SLC13A4: variants seen among roughly 807,000 people sequenced by gnomAD.
SLC13A4 encodes the protein solute carrier family 13 member 4.
In SLC13A4, 28 loss-of-function variants were observed where a neutral mutation model predicts 72.7. That is an observed-to-expected ratio of 0.39 (90% CI 0.29 to 0.53). The LOEUF is 0.53. Ranked by LOEUF, SLC13A4 falls within the 20% of genes least tolerant of loss-of-function variation. The pLI, the probability that SLC13A4 is intolerant of heterozygous loss-of-function variation, is 0.78. For missense variants in SLC13A4, 653 were observed against 788.0 expected (o/e 0.83, Z 2.05); for synonymous variants, 312 against 325.5 (o/e 0.96, Z 0.45).
intron 2 of SLC13A4, among the ~76,000 whole-genome samples, chr7:135,713,322 G>A (rs1212827587): frequency 6.6e-6 from 1 of 152,162 alleles, no homozygotes; most frequent in Non-Finnish European, 1.5e-5. Flanking sequence ...TTGGAGAGCA[G>A]AGGTGTTTCT....
Position 135,724,965 on chromosome 7 carries a change from C to T in SLC13A4, c.99+2433G>A, listed in dbSNP as rs73721699. ...CATGTCTAGCAGGTGGTTCAATTCA[C>T]GTGGGCTGAACTGCACTGGACTTCT... On this transcript the variant is annotated intron_variant, in intron 1 of 15. Transcript: ENST00000682651. 4.1e-3 allele frequency among the ~76,000 whole-genome samples: 624 copies of T among 152,302 alleles called. 2 individuals are homozygous for T. The highest frequency in any genetic ancestry group is 0.014 in the African/African-American group (591 of 41,550).
At chr7:135,701,645 G>A (rs982761002) in intron 7 of SLC13A4, 35 bp downstream of exon 7, 31 of 1,599,158 alleles carry the variant, frequency 1.9e-5, no homozygotes, top group Admixed American at 3.3e-5. Context: ...AGCGTTTCAT[G>A]TAGGAAACAG....
intron 13 of SLC13A4, among the ~76,000 whole-genome samples, chr7:135,686,475 A>G (rs574266558): frequency 1.1e-4 from 17 of 152,236 alleles, no homozygotes; most frequent in Admixed American, 3.9e-4. Context: ...TCCTGGGTTC[A>G]AGCAATCCTC....
At chr7:135,688,798 A>T (rs1015200492) in intron 13 of SLC13A4, 8 of 152,204 alleles carry the variant, frequency 5.3e-5, no homozygotes, top group Non-Finnish European at 1.0e-4. Flanking sequence ...AAATTAGTAG[A>T]GGCAGTAGGC....
intron 5 of SLC13A4, chr7:135,704,255 G>A (rs1383902910): frequency 6.6e-6 from 1 of 152,448 alleles, no homozygotes; most frequent in South Asian, 2.1e-4. Context: ...GGTGGCGTGA[G>A]TGTTAATCCC....
At position 135,719,781 on chromosome 7, in the gene SLC13A4, A is replaced by ATGTGTGTGTG. The variant is rs968225969; in HGVS notation, c.228+1604_228+1613dup. Among the ~76,000 whole-genome samples, 102 of 146,114 alleles carry ATGTGTGTGTG rather than the reference A, an allele frequency of 7.0e-4. 2 individuals carry two copies. The highest frequency in any genetic ancestry group is 2.5e-3 in the African/African-American group (98 of 39,112). On this transcript the variant is annotated intron_variant, in intron 2 of 15. Transcript: ENST00000682651. Reference sequence around the variant, plus strand: ...TGAGGCTATGGCTACTCAATGCCACATGTGTGTGTGTGTGTGTGTGTATGT... The same window carrying ATGTGTGTGTG: ...TGAGGCTATGGCTACTCAATGCCACATGTGTGTGTGTGTGTGTGTGTGTGTGTGTGTATGT...
chr7:135,695,858 T>C (rs1172533702), intron 8 of SLC13A4, among the ~76,000 whole-genome samples: 1 of 152,194 alleles, frequency 6.6e-6, no homozygotes, highest in Non-Finnish European at 1.5e-5. Context: ...GTTTCTAAAA[T>C]CACCAAAGGA....
chr7:135,724,521 A>G (rs933591937), intron 1 of SLC13A4, among the ~76,000 whole-genome samples: 2 of 85,746 alleles, frequency 2.3e-5, no homozygotes, highest in Non-Finnish European at 4.3e-5. Flanking sequence ...AAAAAAAAAA[A>G]AGAAGAAAGG....
chr7:135,696,648 C>T lies in SLC13A4; in HGVS notation c.900-1161G>A, dbSNP rs565122944. 2.0e-3 allele frequency among the ~76,000 whole-genome samples: 310 copies of T among 152,244 alleles called. 2 individuals carry two copies. Among genetic ancestry groups the T allele is most frequent in the Middle Eastern group, 0.014 (4 of 294 alleles). ...GATTACGGGCATGAGCCACAGTGCCCGTCCCCTACTTTCCTTTTATTATCA... is the reference window on the plus strand; with the variant it reads ...GATTACGGGCATGAGCCACAGTGCCTGTCCCCTACTTTCCTTTTATTATCA... On this transcript the variant is annotated intron_variant, in intron 8 of 15. Transcript: ENST00000682651.
chr7:135,681,720 A>C lies in SLC13A4; in HGVS notation c.1747-20T>G. Reference sequence around the variant, plus strand: ...TTTCACCTGCAGGACACAAACCAGCACACCCTAGTCACTCTGACCAGCAGC... The same window carrying C: ...TTTCACCTGCAGGACACAAACCAGCCCACCCTAGTCACTCTGACCAGCAGC... On this transcript the variant is annotated intron_variant, in intron 15 of 15. Coordinates refer to ENST00000682651, the MANE Select transcript of SLC13A4 (RefSeq NM_001318192.2). 6.2e-7 allele frequency: 1 copy of C among 1,609,770 alleles called. No homozygotes were observed. Among genetic ancestry groups the C allele is most frequent in the Non-Finnish European group, 8.5e-7 (1 of 1,177,814 alleles).
intron 15 of SLC13A4, chr7:135,683,559 T>C (rs1795554750): frequency 1.0e-6 from 1 of 985,144 alleles, no homozygotes; most frequent in South Asian, 4.7e-5. Context: ...GGCCCAGTGC[T>C]AAAGTCAGCA....
At chr7:135,718,027 T>C (rs73454432) in intron 2 of SLC13A4, among the ~76,000 whole-genome samples, 6,764 of 151,518 alleles carry the variant, frequency 0.045, 494 homozygotes, top group African/African-American at 0.15. Flanking sequence ...TGGCAGCTCA[T>C]GGGATGTCTT....
At chr7:135,714,129 G>T (rs935977295) in intron 2 of SLC13A4, among the ~76,000 whole-genome samples, 1 of 152,144 alleles carries the variant, frequency 6.6e-6, no homozygotes. Context: ...TGCATTCCTG[G>T]TTCCATCTGT....
At chr7:135,719,902 A>G (rs1238103000) in intron 2 of SLC13A4, among the ~76,000 whole-genome samples, 1 of 144,930 alleles carries the variant, frequency 6.9e-6, no homozygotes, top group Non-Finnish European at 1.5e-5. Flanking sequence ...AGAGAGAGAG[A>G]GGAGAGAGAG....
intron 11 of SLC13A4, 125 bp from the exon 12 acceptor site, chr7:135,691,770 C>G (rs1305061218): frequency 6.1e-6 from 4 of 657,700 alleles, no homozygotes; most frequent in Non-Finnish European, 1.1e-5. Context: ...TAACATTAAG[C>G]TTAGTTCTTG....
At position 135,699,357 on chromosome 7, in the gene SLC13A4, C is replaced by T. The variant is rs1467278942; in HGVS notation, c.899+7G>A. 1 of 1,605,586 alleles carries T rather than the reference C, an allele frequency of 6.2e-7. No homozygotes were observed. The highest frequency in any genetic ancestry group is 1.3e-5 in the African/African-American group (1 of 74,826). ...GTAAATATTTGTTGACCAAGTGAATCACTTACTTGTTGAAGTGTTCCAGGA... is the reference window on the plus strand; with the variant it reads ...GTAAATATTTGTTGACCAAGTGAATTACTTACTTGTTGAAGTGTTCCAGGA... On this transcript the variant is annotated splice_region_variant and intron_variant, in intron 8 of 15. Transcript: ENST00000682651.
intron 2 of SLC13A4, among the ~76,000 whole-genome samples, chr7:135,709,221 G>A (rs761776186): frequency 2.0e-5 from 3 of 151,462 alleles, no homozygotes; most frequent in South Asian, 2.1e-4. Context: ...ATGAGCCAGC[G>A]CACCCGGCCT....
chr7:135,724,505 A>G (rs1426196224), intron 1 of SLC13A4, among the ~76,000 whole-genome samples: 2 of 41,204 alleles, frequency 4.9e-5, no homozygotes, highest in East Asian at 1.4e-3. Context: ...TCTCAGAAAA[A>G]AAAAAAAAAA....
chr7:135,685,920 G>A (rs1218578232), intron 13 of SLC13A4, among the ~76,000 whole-genome samples: 1 of 152,230 alleles, frequency 6.6e-6, no homozygotes, highest in Admixed American at 6.5e-5. Flanking sequence ...CATGGGACAT[G>A]GAGAGCCACC....
Sources: gnomAD v4.1 joint callset for allele counts (sites outside exome capture counted in the v4.1 genomes callset) on GRCh38, gnomAD v4.1.1 for gene constraint, MANE v1.5 for transcripts, NCBI Gene and HGNC (gene_info 2026-07-23, HGNC 2026-07-21) for gene names.